Variants in SRSF4 observed in about 807,000 individuals in gnomAD.
The protein encoded by SRSF4 is serine/arginine-rich splicing factor 4.
In SRSF4, 12 loss-of-function variants were observed where a neutral mutation model predicts 48.8. The observed-to-expected ratio is 0.25, with a 90% CI of 0.16 to 0.40. SRSF4 has a LOEUF of 0.40. Ranked by LOEUF, SRSF4 falls within the 10% of genes least tolerant of loss-of-function variation. SRSF4 has a pLI of 1.00. For synonymous variants in SRSF4, 248 were observed against 232.5 expected (o/e 1.07, Z -0.61); for missense variants, 466 against 667.1 (o/e 0.70, Z 3.32).
chr1:29,155,833 C>T (rs1409874996), intron 3 of SRSF4, among the ~76,000 whole-genome samples: 1 of 152,174 alleles, frequency 6.6e-6, no homozygotes, highest in Admixed American at 6.5e-5. Flanking sequence ...TTGTTTATAA[C>T]CATCATGTCC....
chr1:29,181,827 G>T lies in SRSF4; in HGVS notation c.-75C>A. The T allele has an allele frequency of 7.9e-7, 1 of 1,268,416 alleles. No homozygotes were observed. Among genetic ancestry groups the T allele is most frequent in the Non-Finnish European group, 1.0e-6 (1 of 977,780 alleles). 78.6% of individuals were successfully genotyped at this position (1,268,416 alleles called of 1,614,324 possible). On this transcript the variant is annotated 5_prime_UTR_variant, in exon 1 of 6. Coordinates refer to ENST00000373795, the MANE Select transcript of SRSF4 (RefSeq NM_005626.5). ...GCGGCGGGCAAAGCGAGAGCACGGC[G>T]GCAGCGGCGGCGGCGGCAACGGGCG...
chr1:29,148,535 G>T lies in SRSF4; in HGVS notation c.1360C>A (p.Leu454Ile). 1 of 1,614,126 alleles carries T rather than the reference G, an allele frequency of 6.2e-7. No individual in the cohort carries two copies. The stretch of plus-strand genomic sequence containing the variant: ...GATCTGGAGCGTGATTCTGATGGAA[G>T]GTTTGGTTTCGATTTGGAATTGGAT... ...SRSNSKSKPN[L>I]PSESRSRSKS... The change falls in exon 6 of 6, where the codon CTT becomes ATT. Residue 454 changes from leucine to isoleucine, a missense_variant. Coordinates refer to ENST00000373795, the MANE Select transcript of SRSF4 (RefSeq NM_005626.5).
intron 1 of SRSF4, among the ~76,000 whole-genome samples, chr1:29,179,609 T>C (rs1035510522): frequency 7.9e-5 from 12 of 152,288 alleles, no homozygotes; most frequent in Non-Finnish European, 1.3e-4. Flanking sequence ...TCAGCTGGGA[T>C]TGCAGGCACA....
chr1:29,178,353 C>CTTATTTTTTTTTTTTT, intron 1 of SRSF4, among the ~76,000 whole-genome samples: 1 of 127,908 alleles, frequency 7.8e-6, no homozygotes, highest in African/African-American at 3.0e-5. Flanking sequence ...GTTTCAATTA[C>CTTATTTTTTTTTTTTT]TTTTTTTTTT....
intron 1 of SRSF4, among the ~76,000 whole-genome samples, chr1:29,181,293 C>T (rs1672952136): frequency 6.6e-6 from 1 of 152,196 alleles, no homozygotes; most frequent in Non-Finnish European, 1.5e-5. Flanking sequence ...TGGTGTCTAC[C>T]CAGAAACGAA....
intron 1 of SRSF4, among the ~76,000 whole-genome samples, chr1:29,180,592 T>C (rs946874291): frequency 1.3e-5 from 2 of 152,152 alleles, no homozygotes; most frequent in African/African-American, 4.8e-5. Flanking sequence ...ATTACAACTG[T>C]TGCAAAGTAG....
chr1:29,173,052 T>A (rs897624106), intron 1 of SRSF4: 1 of 151,758 alleles, frequency 6.6e-6, no homozygotes, highest in African/African-American at 2.4e-5. Context: ...TGCTTAATGA[T>A]ACTTTTCACT....
At chr1:29,151,877 G>C (rs988350581) in intron 4 of SRSF4, among the ~76,000 whole-genome samples, 1 of 152,214 alleles carries the variant, frequency 6.6e-6, no homozygotes, top group Non-Finnish European at 1.5e-5. Flanking sequence ...CATACAAAGA[G>C]AGAAAAGGCA....
At chr1:29,171,572 T>C (rs1672745099) in intron 1 of SRSF4, 1 of 151,736 alleles carries the variant, frequency 6.6e-6, no homozygotes, top group Non-Finnish European at 1.5e-5. Flanking sequence ...AGTTGAAAAA[T>C]AAGTCATACA....
intron 1 of SRSF4, chr1:29,170,902 T>C (rs577668476): frequency 6.6e-6 from 1 of 152,102 alleles, no homozygotes; most frequent in Non-Finnish European, 1.5e-5. Context: ...CTGGGAGAAA[T>C]AAAGTGCCTT....
Position 29,181,837 on chromosome 1 carries a change from G to T in SRSF4, c.-85C>A. On this transcript the variant is annotated 5_prime_UTR_variant, in exon 1 of 6. Coordinates refer to ENST00000373795, the MANE Select transcript of SRSF4 (RefSeq NM_005626.5). ...AAGCGAGAGCACGGCGGCAGCGGCG[G>T]CGGCGGCAACGGGCGGGCGGCGGGA... 8.4e-7 allele frequency: 1 copy of T among 1,197,282 alleles called. No individual in the cohort carries two copies. The highest frequency in any genetic ancestry group is 1.1e-6 in the Non-Finnish European group (1 of 921,916). The allele number at this position is 1,197,282 out of a possible 1,614,324, so 74.2% of individuals were successfully genotyped here.
rs757399534 is a variant in SRSF4 at position 29,181,681 on chromosome 1, G to C, written c.72C>G (p.Gly24=). The C allele has an allele frequency of 1.9e-6, 3 of 1,597,490 alleles. No individual in the cohort carries two copies. Among genetic ancestry groups the C allele is most frequent in the Admixed American group, 1.7e-5 (1 of 58,118 alleles). ...RERDVERFFK[G]YGKILEVDLK... is the part of the protein sequence containing the mutation. ...GATCCACCTCCAGGATCTTCCCGTA[G>C]CCCTTAAAGAAGCGCTCCACATCGC... is the stretch of plus-strand genomic sequence containing the variant. Residue 24 remains glycine, a synonymous_variant, in exon 1 of 6, where the codon GGC becomes GGG. Transcript: ENST00000373795.
At chr1:29,153,044 T>C (rs1307192827) in intron 4 of SRSF4, among the ~76,000 whole-genome samples, 1 of 152,242 alleles carries the variant, frequency 6.6e-6, no homozygotes, top group Non-Finnish European at 1.5e-5. Flanking sequence ...TCTAGACTAG[T>C]TGTGCTGTGT....
intron 1 of SRSF4, among the ~76,000 whole-genome samples, chr1:29,175,174 C>T (rs187885258): frequency 7.6e-4 from 115 of 151,976 alleles, no homozygotes; most frequent in African/African-American, 2.7e-3. Context: ...GTAATCCCAG[C>T]ACTTTGTGAG....
chr1:29,169,835 C>G (rs1364153415), intron 1 of SRSF4: 1 of 152,186 alleles, frequency 6.6e-6, no homozygotes, highest in African/African-American at 2.4e-5. Context: ...AAACACCAAA[C>G]AGTAAAACTA....
chr1:29,168,658 A>T (rs1672701600), intron 1 of SRSF4: 1 of 152,194 alleles, frequency 6.6e-6, no homozygotes, highest in Non-Finnish European at 1.5e-5. Flanking sequence ...TAGAGGAAAA[A>T]TAAGATTATT....
chr1:29,159,456 T>A lies in SRSF4; in HGVS notation c.281A>T (p.Asp94Val), dbSNP rs1672559028. 6.2e-7 allele frequency: 1 copy of A among 1,613,878 alleles called. No individual in the cohort carries two copies. The highest frequency in any genetic ancestry group is 1.3e-5 in the African/African-American group (1 of 74,896). The stretch of plus-strand genomic sequence containing the variant: ...TGTGCGAGTAGGAGGGCCATATTTA[T>A]CTCGGCCACTTCTTCTATAACCATA... ...SGYGYRRSGRDKYGPPTRTEY... is the reference protein window; with the variant it reads ...SGYGYRRSGRVKYGPPTRTEY... Residue 94 changes from aspartate to valine, a missense_variant, in exon 3 of 6, where the codon GAT becomes GTT. Physicochemically the swap from Asp to Val is radical, Grantham distance 152 (BLOSUM62 -3). Coordinates refer to ENST00000373795, the MANE Select transcript of SRSF4 (RefSeq NM_005626.5).
intron 1 of SRSF4, among the ~76,000 whole-genome samples, chr1:29,164,465 G>C (rs1196575220): frequency 6.6e-6 from 1 of 152,174 alleles, no homozygotes; most frequent in Non-Finnish European, 1.5e-5. Flanking sequence ...TCCTCTGTCA[G>C]AGTAAAAAGG....
intron 4 of SRSF4, among the ~76,000 whole-genome samples, chr1:29,151,805 C>G (rs1672414548): frequency 6.6e-6 from 1 of 152,174 alleles, no homozygotes; most frequent in South Asian, 2.1e-4. Flanking sequence ...ATCATAATTT[C>G]TACAACTTAC....
Sources: allele counts gnomAD v4.1 joint callset (sites outside exome capture counted in the v4.1 genomes callset), GRCh38; gene constraint gnomAD v4.1.1; transcripts MANE v1.5; gene names NCBI Gene and HGNC (gene_info 2026-07-23, HGNC 2026-07-21).